The following NWD2 variants were observed in gnomAD, a reference collection of about 807,000 sequenced individuals.
NWD2 encodes the protein NACHT and WD repeat domain-containing protein 2.
A neutral mutation model predicts 132.7 loss-of-function variants in NWD2; 37 were observed. The observed-to-expected ratio is 0.28, with a 90% CI of 0.21 to 0.37. NWD2 has a LOEUF of 0.37. Ranked by LOEUF, NWD2 falls within the 10% of genes least tolerant of loss-of-function variation. NWD2 has a pLI of 1.00. For synonymous variants in NWD2, 705 were observed against 803.0 expected, an observed-to-expected ratio of 0.88 and a Z score of 2.06; for missense variants, 1,592 against 2,122.4, an observed-to-expected ratio of 0.75 and a Z score of 4.91.
At chr4:37,368,992 G>A (rs1299573868) in intron 3 of NWD2, among the ~76,000 whole-genome samples, 1 of 152,150 alleles carries the variant, frequency 6.6e-6, no homozygotes, top group Non-Finnish European at 1.5e-5. Context: ...GGTGGGCATA[G>A]ATTAGAGATA....
chr4:37,348,252 A>G (rs909805058), intron 2 of NWD2, among the ~76,000 whole-genome samples: 19 of 152,286 alleles, frequency 1.2e-4, no homozygotes, highest in Admixed American at 9.2e-4. Flanking sequence ...TTAATATTCA[A>G]CTGTTAACAA....
intron 1 of NWD2, among the ~76,000 whole-genome samples, chr4:37,255,296 TC>T (rs1717493755): frequency 6.6e-6 from 1 of 152,118 alleles, no homozygotes; most frequent in Non-Finnish European, 1.5e-5. Flanking sequence ...CATGAGCTGT[TC>T]AAATTTAGCC....
At chr4:37,415,099 T>G (rs150853420) in intron 3 of NWD2, among the ~76,000 whole-genome samples, 1 of 152,352 alleles carries the variant, frequency 6.6e-6, no homozygotes, top group African/African-American at 2.4e-5. Context: ...AGGCATTTGT[T>G]TTCTATTGAA....
rs1332647149 is a variant in NWD2, at chr4:37,445,684, A to T, written c.3696A>T (p.Glu1232Asp). 2 of 1,551,878 alleles carry T rather than the reference A, an allele frequency of 1.3e-6. No individual in the cohort carries two copies. Among genetic ancestry groups the T allele is most frequent in the Non-Finnish European group, 1.7e-6 (2 of 1,147,076 alleles). ...AAAAGTTCAGAGCCAAGCACAACGA[A>T]CGCTTTATATCTGCCGTGCTGTCTA... ...VAEKFRAKHN[E>D]RFISAVLSKN... The change falls in exon 7 of 7, where the codon GAA becomes GAT. Residue 1232 changes from glutamate to aspartate, a missense_variant. By Grantham distance (45) the Glu-to-Asp change is conservative (BLOSUM62 2). Transcript: ENST00000309447. The surrounding 1 kb of genome is among the most constrained non-coding windows in gnomAD (Gnocchi z 4.7).
At chr4:37,295,904 A>G (rs920937275) in intron 1 of NWD2, among the ~76,000 whole-genome samples, 1 of 152,210 alleles carries the variant, frequency 6.6e-6, no homozygotes, top group Non-Finnish European at 1.5e-5. Context: ...TCACAGATTC[A>G]ACATTTGTAC....
intron 1 of NWD2, among the ~76,000 whole-genome samples, chr4:37,268,544 G>C (rs1717805606): frequency 1.3e-5 from 2 of 151,816 alleles, no homozygotes; most frequent in Admixed American, 1.3e-4. Context: ...GAAGCATCTA[G>C]TTAATATGCG....
chr4:37,445,634 G>C lies in NWD2; in HGVS notation c.3646G>C (p.Asp1216His). Residue 1216 changes from aspartate to histidine, a missense_variant, in exon 7 of 7, where the codon GAT becomes CAT. By Grantham distance (81) the Asp-to-His change is moderately conservative. Transcript: ENST00000309447. The surrounding 1 kb of genome is among the most constrained non-coding windows in gnomAD (Gnocchi z 4.7). ...TAAAGCCCTCAGCATTGAGCTCTTAGATACTGGTCTGTGGAAGGTGGCTGA... is the reference window on the plus strand; with the variant it reads ...TAAAGCCCTCAGCATTGAGCTCTTACATACTGGTCTGTGGAAGGTGGCTGA... ...ICKALSIELLDTGLWKVAEKF... is the reference protein window; with the variant it reads ...ICKALSIELLHTGLWKVAEKF... The C allele has an allele frequency of 6.4e-7, 1 of 1,552,284 alleles. No individual in the cohort carries two copies. The highest frequency in any genetic ancestry group is 8.7e-7 in the Non-Finnish European group (1 of 1,147,134).
At chr4:37,268,088 A>G (rs564517419) in intron 1 of NWD2, among the ~76,000 whole-genome samples, 1 of 151,914 alleles carries the variant, frequency 6.6e-6, no homozygotes, top group African/African-American at 2.4e-5. Context: ...TCAGCCCAGA[A>G]ACATCAAACT....
intron 1 of NWD2, among the ~76,000 whole-genome samples, chr4:37,275,830 C>T (rs372497090): frequency 6.6e-6 from 1 of 152,014 alleles, no homozygotes; most frequent in East Asian, 1.9e-4. Flanking sequence ...ACAAACCTGA[C>T]AAAAACAAGC....
intron 3 of NWD2, among the ~76,000 whole-genome samples, chr4:37,414,181 T>A (rs1430282119): frequency 6.6e-6 from 1 of 152,116 alleles, no homozygotes; most frequent in Non-Finnish European, 1.5e-5. Context: ...ATCGTTAGGA[T>A]TACATTAAAA....
chr4:37,353,201 G>A (rs759057608), intron 2 of NWD2, among the ~76,000 whole-genome samples: 1 of 152,186 alleles, frequency 6.6e-6, no homozygotes, highest in East Asian at 1.9e-4. Flanking sequence ...CTGGCTTGTA[G>A]TGTTTCTACA....
chr4:37,443,026 C>T lies in NWD2; in HGVS notation c.1297-259C>T, dbSNP rs559418275. Reference sequence around the variant, plus strand: ...TTCTGGAATACAAGCTAAATATTGCCGAATGAGTGAAAAATACTATTATTG... The same window carrying T: ...TTCTGGAATACAAGCTAAATATTGCTGAATGAGTGAAAAATACTATTATTG... On this transcript the variant is annotated intron_variant, in intron 6 of 6. Coordinates refer to ENST00000309447, the MANE Select transcript of NWD2 (RefSeq NM_001144990.2). This position sits in a 1 kb window ranked among gnomAD's most constrained non-coding sequence, Gnocchi z 4.1. Among the ~76,000 whole-genome samples, 4 of 151,832 alleles carry T rather than the reference C, an allele frequency of 2.6e-5. No individual in the cohort carries two copies. Among genetic ancestry groups the T allele is most frequent in the East Asian group, 1.9e-4 (1 of 5,172 alleles).
rs541553284 is a variant in NWD2 at position 37,405,171 on chromosome 4, C to T, written c.358-25401C>T. On this transcript the variant is annotated intron_variant, in intron 3 of 6. Transcript: ENST00000309447. ...ATCAATGTCACCCACCTCTGGGAAC[C>T]CATTTTATATCTTTATGACAGCATC... Among the ~76,000 whole-genome samples the T allele has an allele frequency of 5.9e-5, 9 of 152,194 alleles. No individual in the cohort carries two copies. In the East Asian group the frequency reaches 1.7e-3, roughly 29 times the overall value.
chr4:37,324,099 C>A (rs556347024), intron 1 of NWD2, among the ~76,000 whole-genome samples: 1 of 152,160 alleles, frequency 6.6e-6, no homozygotes, highest in East Asian at 1.9e-4. Context: ...TGCTCACTAC[C>A]TGGATGCAGT....
chr4:37,271,459 A>G (rs1019953354), intron 1 of NWD2, among the ~76,000 whole-genome samples: 1 of 151,832 alleles, frequency 6.6e-6, no homozygotes, highest in African/African-American at 2.4e-5. Context: ...TTAAATTTTT[A>G]TGTTATTTCA....
intron 3 of NWD2, among the ~76,000 whole-genome samples, chr4:37,374,450 C>T (rs923940403): frequency 6.6e-6 from 1 of 151,990 alleles, no homozygotes; most frequent in Admixed American, 6.6e-5. Context: ...GCAGGGAAGA[C>T]AAAGAATAGA....
Position 37,446,450 on chromosome 4 carries a change from C to T in NWD2, c.4462C>T (p.Pro1488Ser), listed in dbSNP as rs1560258319. ...CACCATCGTGAATTTTAAATTAATC[C>T]CTGACTGTCCTGATATCATCGTGTT... is the stretch of plus-strand genomic sequence containing the variant. ...GTTIVNFKLI[P>S]DCPDIIVFIT... The change falls in exon 7 of 7, where the codon CCT becomes TCT. Residue 1488 changes from proline (P) to serine (S), a missense_variant. Physicochemically the swap from Pro to Ser is moderately conservative, Grantham distance 74. Coordinates refer to ENST00000309447, the MANE Select transcript of NWD2 (RefSeq NM_001144990.2). This position sits in a 1 kb window ranked among gnomAD's most constrained non-coding sequence, Gnocchi z 6.7. 6.4e-7 allele frequency: 1 copy of T among 1,551,618 alleles called. No individual in the cohort carries two copies. Among genetic ancestry groups the T allele is most frequent in the Non-Finnish European group, 8.7e-7 (1 of 1,146,988 alleles).
intron 1 of NWD2, among the ~76,000 whole-genome samples, chr4:37,253,095 G>A (rs192287482): frequency 6.6e-6 from 1 of 151,834 alleles, no homozygotes; most frequent in East Asian, 1.9e-4. Flanking sequence ...GGCACTGCAA[G>A]TATGATAGTA....
intron 1 of NWD2, among the ~76,000 whole-genome samples, chr4:37,248,051 G>A (rs1201099015): frequency 6.6e-6 from 1 of 152,150 alleles, no homozygotes; most frequent in African/African-American, 2.4e-5. Flanking sequence ...AGATTACTGA[G>A]GCTGTATCAA....
Sources: allele counts gnomAD v4.1 joint callset (sites outside exome capture counted in the v4.1 genomes callset), GRCh38; gene constraint gnomAD v4.1.1; non-coding constraint Gnocchi (gnomAD v3.1); transcripts MANE v1.5; gene names NCBI Gene and HGNC (gene_info 2026-07-23, HGNC 2026-07-21).